Variants in ITPA observed in about 807,000 individuals in gnomAD.
ITPA encodes inosine triphosphate pyrophosphatase.
Under a neutral mutation model 29.6 loss-of-function variants are expected in ITPA, and 29 were observed. The ratio of observed to expected loss-of-function variants is 0.98; its 90% confidence interval spans 0.73 to 1.34. The LOEUF is 1.34. Ranked by LOEUF, ITPA falls within the 40% of genes most tolerant of loss-of-function variation. The pLI is 0.00. For synonymous variants in ITPA, 103 were observed against 99.3 expected (o/e 1.04, Z -0.22); for missense variants, 241 against 251.5 (o/e 0.96, Z 0.28).
chr20:3,213,069 T>C (rs755534288), intron 1 of ITPA, 100 bp from the exon 2 acceptor site: 1 of 1,255,142 alleles, frequency 8.0e-7, no homozygotes, highest in Non-Finnish European at 1.2e-6. Context: ...CTTTAGGAGA[T>C]GGGCAGCAGA....
chr20:3,209,277 A>C, upstream of ITPA: 1 of 508,588 alleles, frequency 2.0e-6, no homozygotes. The surrounding 1 kb of genome is among the most constrained non-coding windows in gnomAD (Gnocchi z 4.6). Context: ...TGGGGGTGGG[A>C]GTGGTCTCTT....
chr20:3,222,995 C>T (rs955422212), intron 7 of ITPA, among the ~76,000 whole-genome samples: 1 of 152,186 alleles, frequency 6.6e-6, no homozygotes, highest in African/African-American at 2.4e-5. Context: ...GCTCCCCCGC[C>T]CTCAGCGCAT....
chr20:3,213,916 G>A lies in ITPA; in HGVS notation c.190-69G>A, dbSNP rs932205203. On this transcript the variant is annotated intron_variant, in intron 3 of 7. Transcript: ENST00000380113. ...GGGCTGGCCCCAGCCTGGGTGACGC[G>A]GGTGACCTGGACGTTCCAGGTGGGG... 4.6e-6 allele frequency: 7 copies of A among 1,532,674 alleles called. No individual in the cohort carries two copies. The African/African-American group carries it at 5.5e-5, about 12-fold the overall frequency. 94.9% of individuals were successfully genotyped at this position (1,532,674 alleles called of 1,614,324 possible). A position where few individuals can be genotyped will look rare whatever the true frequency, so the allele number is the denominator to read the frequency against.
chr20:3,210,060 C>T (rs1269491769), intron 1 of ITPA, among the ~76,000 whole-genome samples: 2 of 152,220 alleles, frequency 1.3e-5, no homozygotes, highest in Non-Finnish European at 2.9e-5. Context: ...TGCCTCACCA[C>T]CGTCCTGAAA....
downstream of ITPA, among the ~76,000 whole-genome samples, chr20:3,224,780 G>A (rs979490685): frequency 1.2e-4 from 18 of 152,222 alleles, no homozygotes; most frequent in African/African-American, 3.9e-4. Context: ...CTGCCTGGGT[G>A]GGGTGGGTAC....
chr20:3,226,653 ATTC>A (rs2067557722), downstream of ITPA, among the ~76,000 whole-genome samples: 1 of 152,132 alleles, frequency 6.6e-6, no homozygotes. This position sits in a 1 kb window ranked among gnomAD's most constrained non-coding sequence, Gnocchi z 4.4. Context: ...GTTTGCAGGA[ATTC>A]TTTGCATATT....
chr20:3,206,430 C>T (rs185425782), upstream of ITPA, among the ~76,000 whole-genome samples: 22 of 147,986 alleles, frequency 1.5e-4, 1 homozygote, highest in East Asian at 4.3e-3. Flanking sequence ...CCGTGGCTCA[C>T]GCCTACAATC....
At chr20:3,218,884 A>G (rs1435415669) in intron 6 of ITPA, 2 of 551,296 alleles carry the variant, frequency 3.6e-6, no homozygotes, top group Non-Finnish European at 6.6e-6. Flanking sequence ...GGGCAGGACA[A>G]TGGAAGTGTT....
At position 3,209,646 on chromosome 20, in the gene ITPA, G is replaced by A; in HGVS notation, c.66+29G>A. The A allele has an allele frequency of 6.2e-7, 1 of 1,603,892 alleles. No individual in the cohort carries two copies. The highest frequency in any genetic ancestry group is 8.5e-7 in the Non-Finnish European group (1 of 1,171,038). On this transcript the variant is annotated intron_variant, in intron 1 of 7. Transcript: ENST00000380113. The surrounding 1 kb of genome is among the most constrained non-coding windows in gnomAD (Gnocchi z 4.6). ...CCGGGAGGGTGTTGGGGGCTAACTG[G>A]GAGGCGGCTGGGAATAGGGCGGAGA...
In ITPA at chr20:3,213,966, G is replaced by A; in HGVS notation, c.190-19G>A. ...GATGGTGATCATGGGTCTCAGGGCT[G>A]TATGTCTTTGTGCTGCAGGTACAGG... On this transcript the variant is annotated intron_variant, in intron 3 of 7. Coordinates refer to ENST00000380113, the MANE Select transcript of ITPA (RefSeq NM_033453.4). 1 of 1,613,974 alleles carries A rather than the reference G, an allele frequency of 6.2e-7. No individual in the cohort carries two copies. Among genetic ancestry groups the A allele is most frequent in the African/African-American group, 1.3e-5 (1 of 75,058 alleles).
At chr20:3,206,840 A>AG (rs2067074164), upstream of ITPA, among the ~76,000 whole-genome samples, 1 of 151,262 alleles carries the variant, frequency 6.6e-6, no homozygotes, top group African/African-American at 2.4e-5. Context: ...AAAAAAAAAA[A>AG]AAAAGAAGAA....
chr20:3,217,152 A>AT (rs1430531307), intron 5 of ITPA, among the ~76,000 whole-genome samples: 2 of 152,212 alleles, frequency 1.3e-5, no homozygotes, highest in African/African-American at 4.8e-5. Context: ...AAATGCTGAG[A>AT]TTACAGGCAT....
At chr20:3,207,530 C>A (rs532941372), upstream of ITPA, among the ~76,000 whole-genome samples, 1 of 152,082 alleles carries the variant, frequency 6.6e-6, no homozygotes, top group East Asian at 1.9e-4. Flanking sequence ...CCCACCTCTA[C>A]TAAAAGTACA....
At chr20:3,204,478 A>G, upstream of ITPA, 3 of 1,509,604 alleles carry the variant, frequency 2.0e-6, no homozygotes, top group East Asian at 2.5e-5. Context: ...ACGGTCCACA[A>G]AGGCTCAGAA....
chr20:3,226,540 C>T (rs1443550869), downstream of ITPA, among the ~76,000 whole-genome samples: 1 of 152,180 alleles, frequency 6.6e-6, no homozygotes, highest in Non-Finnish European at 1.5e-5. This position sits in a 1 kb window ranked among gnomAD's most constrained non-coding sequence, Gnocchi z 4.4. Context: ...TCTCTAATTA[C>T]CAAGGGGTCT....
chr20:3,216,687 G>A (rs6115816), intron 5 of ITPA, among the ~76,000 whole-genome samples: 2 of 151,694 alleles, frequency 1.3e-5, no homozygotes, highest in African/African-American at 4.8e-5. Context: ...CCTGACCTCA[G>A]GCGATCCACC....
intron 5 of ITPA, among the ~76,000 whole-genome samples, chr20:3,216,136 A>G (rs2067290666): frequency 6.8e-6 from 1 of 146,048 alleles, no homozygotes. Context: ...GATTACAGGC[A>G]TGCGCCAGCA....
chr20:3,217,721 G>T (rs999818303), intron 5 of ITPA, among the ~76,000 whole-genome samples: 1 of 152,050 alleles, frequency 6.6e-6, no homozygotes, highest in African/African-American at 2.4e-5. Flanking sequence ...CACCCGCCTT[G>T]GCCTCCCAAA....
At chr20:3,214,610 C>T (rs949336061) in intron 4 of ITPA, among the ~76,000 whole-genome samples, 1 of 151,746 alleles carries the variant, frequency 6.6e-6, no homozygotes, top group South Asian at 2.1e-4. Context: ...ACAAGAGTCT[C>T]GCTCTGTCGC....
Sources: allele counts gnomAD v4.1 joint callset (sites outside exome capture counted in the v4.1 genomes callset), GRCh38; gene constraint gnomAD v4.1.1; non-coding constraint Gnocchi (gnomAD v3.1); transcripts MANE v1.5; gene names NCBI Gene and HGNC (gene_info 2026-07-23, HGNC 2026-07-21).